The following ZNF382 variants were observed in gnomAD, a reference collection of about 807,000 sequenced individuals.
ZNF382 encodes KRAB/zinc finger suppressor protein 1.
In ZNF382, 20 loss-of-function variants were observed where a neutral mutation model predicts 38.8. The observed-to-expected ratio is 0.51, with a 90% confidence interval of 0.36 to 0.75. ZNF382 has a LOEUF of 0.75. Ranked by LOEUF, ZNF382 falls within the 30% of genes least tolerant of loss-of-function variation. ZNF382 has a pLI of 0.00. For missense variants in ZNF382, 546 were observed against 654.1 expected (o/e 0.83, Z 1.80); for synonymous variants, 202 against 223.1 (o/e 0.91, Z 0.84).
intron 4 of ZNF382, among the ~76,000 whole-genome samples, chr19:36,616,478 A>G (rs2037127194): frequency 2.0e-5 from 3 of 152,232 alleles, no homozygotes; most frequent in African/African-American, 7.2e-5. Context: ...CCAAACAGAG[A>G]TCTTATAACT....
intron 4 of ZNF382, among the ~76,000 whole-genome samples, chr19:36,622,811 C>T (rs143309233): frequency 7.9e-5 from 12 of 152,274 alleles, no homozygotes; most frequent in African/African-American, 2.4e-4. Context: ...GTTAAAGGTT[C>T]GGCCTCTCAT....
At position 36,634,027 on chromosome 19, in the gene ZNF382, G is replaced by A. The variant is rs2037270996; in HGVS notation, c.*6477G>A. 6.6e-6 allele frequency: 1 copy of A among 152,112 alleles called. No individual in the cohort carries two copies. The highest frequency in any genetic ancestry group is 6.6e-5 in the Admixed American group (1 of 15,258). The allele number at this position is 152,112 out of a possible 1,614,324, so 9.4% of individuals were successfully genotyped here. On this transcript the variant is annotated 3_prime_UTR_variant, in exon 5 of 5. Transcript: ENST00000292928. ...GGTCATAGATAAAAAATCTATGCATGTGTAAAAAATAGAAGTATACATACA... is the reference window on the plus strand; with the variant it reads ...GGTCATAGATAAAAAATCTATGCATATGTAAAAAATAGAAGTATACATACA...
intron 4 of ZNF382, among the ~76,000 whole-genome samples, chr19:36,611,014 C>T (rs1206950471): frequency 1.3e-5 from 2 of 152,194 alleles, no homozygotes; most frequent in Non-Finnish European, 2.9e-5. Flanking sequence ...TGAGGTGGCT[C>T]ACGCCTGTAA....
In ZNF382 at chr19:36,610,583, T is replaced by C. The variant is rs1392940668; in HGVS notation, c.140-67T>C. On this transcript the variant is annotated intron_variant, in intron 3 of 4. Transcript: ENST00000292928. ...TCATTTACTACCTTGAAGTTGTATC[T>C]TTATCTTACTTCAATAGTTTTAAAG... is the stretch of plus-strand genomic sequence containing the variant. 1.1e-5 allele frequency: 15 copies of C among 1,322,350 alleles called. No homozygotes were observed. In the East Asian group the frequency reaches 3.5e-4, roughly 31 times the overall value. The allele number at this position is 1,322,350 out of a possible 1,614,324, so 81.9% of individuals were successfully genotyped here.
At chr19:36,622,414 C>G (rs1489721131) in intron 4 of ZNF382, among the ~76,000 whole-genome samples, 1 of 152,162 alleles carries the variant, frequency 6.6e-6, no homozygotes, top group African/African-American at 2.4e-5. Flanking sequence ...AGATTGAAAT[C>G]AATCAAGGGA....
intron 4 of ZNF382, among the ~76,000 whole-genome samples, chr19:36,614,281 A>C (rs1035667022): frequency 1.1e-4 from 17 of 152,322 alleles, no homozygotes. Flanking sequence ...CACAGGTTGC[A>C]GTGAGCCAAG....
At chr19:36,610,272 A>G (rs1320897450) in intron 3 of ZNF382, among the ~76,000 whole-genome samples, 2 of 152,160 alleles carry the variant, frequency 1.3e-5, no homozygotes, top group Admixed American at 6.5e-5. Flanking sequence ...CCTGGCCAAC[A>G]TGGTGAAACC....
At position 36,624,484 on chromosome 19, in the gene ZNF382, A is replaced by G. The variant is rs76226821; in HGVS notation, c.233-1646A>G. Among the ~76,000 whole-genome samples the G allele has an allele frequency of 5.5e-3, 834 of 152,332 alleles. 23 individuals are homozygous for G. The highest frequency in any genetic ancestry group is 0.037 in the Admixed American group (567 of 15,306). On this transcript the variant is annotated intron_variant, in intron 4 of 4. Coordinates refer to ENST00000292928, the MANE Select transcript of ZNF382 (RefSeq NM_032825.5). ...AATCCATCTTTAAATTGCCCTCCCA[A>G]ATATGGATGGTAGTAAGGCAACAAT...
chr19:36,614,986 CTTTTT>C (rs777536991), intron 4 of ZNF382, among the ~76,000 whole-genome samples: 1 of 83,462 alleles, frequency 1.2e-5, no homozygotes, highest in African/African-American at 4.5e-5. Flanking sequence ...TTCCTTCTTT[CTTTTT>C]TTTTTTTTTT....
At chr19:36,611,234 G>A (rs1407528088) in intron 4 of ZNF382, among the ~76,000 whole-genome samples, 4 of 151,978 alleles carry the variant, frequency 2.6e-5, no homozygotes, top group African/African-American at 9.7e-5. Context: ...AGGTTGCAGT[G>A]AGCCAAGATC....
chr19:36,618,907 G>A (rs748201159), intron 4 of ZNF382, among the ~76,000 whole-genome samples: 40 of 152,020 alleles, frequency 2.6e-4, no homozygotes, highest in African/African-American at 3.9e-4. Context: ...GCATGGTGGC[G>A]CCCACCTGTA....
chr19:36,611,277 G>A (rs1297484139), intron 4 of ZNF382, among the ~76,000 whole-genome samples: 1 of 151,958 alleles, frequency 6.6e-6, no homozygotes, highest in East Asian at 1.9e-4. Context: ...GCGACAGAGC[G>A]AGACTCCATC....
intron 4 of ZNF382, among the ~76,000 whole-genome samples, chr19:36,623,472 G>A (rs911785932): frequency 6.6e-5 from 10 of 152,040 alleles, no homozygotes; most frequent in Non-Finnish European, 1.3e-4. Flanking sequence ...TCAGACAGAC[G>A]GGATACTGAA....
At chr19:36,622,807 G>T (rs920484662) in intron 4 of ZNF382, among the ~76,000 whole-genome samples, 2 of 152,086 alleles carry the variant, frequency 1.3e-5, no homozygotes, top group African/African-American at 2.4e-5. Context: ...TGAAGTTAAA[G>T]GTTCGGCCTC....
At chr19:36,621,892 A>C (rs1412923912) in intron 4 of ZNF382, among the ~76,000 whole-genome samples, 1 of 152,158 alleles carries the variant, frequency 6.6e-6, no homozygotes, top group Non-Finnish European at 1.5e-5. Context: ...GATGGATACT[A>C]TATGTTCCAT....
rs748657389 is a variant in ZNF382 at position 36,610,037 on chromosome 19, C to G, written c.123C>G (p.Cys41Trp). ...GGGATGTGATGTTGGAAAACTATTG[C>G]CACTTCGTATCTGTGGGTAAGAAAC... is the stretch of plus-strand genomic sequence containing the variant. ...LYRDVMLENYCHFVSVGFHMA... is the reference protein window; with the variant it reads ...LYRDVMLENYWHFVSVGFHMA... Residue 41 changes from cysteine (C) to tryptophan (W), a missense_variant, in exon 3 of 5, where the codon TGC (cysteine) becomes TGG (tryptophan). Transcript: ENST00000292928. 4 of 1,613,570 alleles carry G rather than the reference C, an allele frequency of 2.5e-6. No homozygotes were observed. In the South Asian group the frequency reaches 4.4e-5, roughly 18 times the overall value.
In ZNF382 at chr19:36,626,236, A is replaced by C; in HGVS notation, c.339A>C (p.Arg113Ser). Residue 113 changes from arginine to serine, a missense_variant, in exon 5 of 5, where the codon AGA (arginine) becomes AGC (serine). Coordinates refer to ENST00000292928, the MANE Select transcript of ZNF382 (RefSeq NM_032825.5). ...ACCACAAAAAACTAATTAAGGAGAG[A>C]AGTAATATTTATGGTAAAACATTTA... ...FINHKKLIKE[R>S]SNIYGKTFTL... 6.2e-7 allele frequency: 1 copy of C among 1,609,888 alleles called. No individual in the cohort carries two copies. Among genetic ancestry groups the C allele is most frequent in the Non-Finnish European group, 8.5e-7 (1 of 1,178,940 alleles).
chr19:36,609,952 C>G lies in ZNF382; in HGVS notation c.38C>G (p.Thr13Ser), dbSNP rs954007516. ...GGATCAGTGTCATTCAAGGATGTGA[C>G]TGTGGACTTCACCCAGGAGGAGTGG... The part of the protein sequence containing the change: ...LQGSVSFKDV[T>S]VDFTQEEWQQ... The change falls in exon 3 of 5, where the codon ACT (threonine) becomes AGT (serine). Residue 13 changes from threonine (T) to serine (S), a missense_variant. Thr to Ser is a moderately conservative substitution (Grantham distance 58, BLOSUM62 1). Coordinates refer to ENST00000292928, the MANE Select transcript of ZNF382 (RefSeq NM_032825.5). 1.2e-6 allele frequency: 2 copies of G among 1,613,872 alleles called. No individual in the cohort carries two copies. Among genetic ancestry groups the G allele is most frequent in the Non-Finnish European group, 8.5e-7 (1 of 1,179,984 alleles).
Position 36,610,683 on chromosome 19 carries a change from A to T in ZNF382, c.173A>T (p.Lys58Met). 6.2e-7 allele frequency: 1 copy of T among 1,613,504 alleles called. No individual in the cohort carries two copies. The highest frequency in any genetic ancestry group is 1.1e-5 in the South Asian group (1 of 91,038). The change falls in exon 4 of 5, where the codon AAG (lysine) becomes ATG (methionine). Residue 58 changes from lysine to methionine, a missense_variant. Coordinates refer to ENST00000292928, the MANE Select transcript of ZNF382 (RefSeq NM_032825.5). ...FHMAKPDMIRKLEQGEELWTQ... is the reference protein window; with the variant it reads ...FHMAKPDMIRMLEQGEELWTQ... ...ATGGCTAAGCCTGATATGATCCGCA[A>T]GTTGGAACAAGGAGAAGAGCTATGG...
Sources: allele counts gnomAD v4.1 joint callset (sites outside exome capture counted in the v4.1 genomes callset), GRCh38; gene constraint gnomAD v4.1.1; transcripts MANE v1.5; gene names NCBI Gene and HGNC (gene_info 2026-07-23, HGNC 2026-07-21).